The following PLCE1 variants were observed in gnomAD, a reference collection of about 807,000 sequenced individuals.
PLCE1 encodes the protein 1-phosphatidylinositol 4,5-bisphosphate phosphodiesterase epsilon-1.
In PLCE1, 119 loss-of-function variants were observed where a neutral mutation model predicts 242.8. The observed-to-expected ratio is 0.49, with a 90% CI of 0.42 to 0.57. The LOEUF (loss-of-function observed/expected upper bound fraction) is 0.57, where lower values mean the gene tolerates loss of function less well. Ranked by LOEUF, PLCE1 falls within the 20% of genes least tolerant of loss-of-function variation. The probability of loss-of-function intolerance (pLI) is 0.00; values close to 1 mark genes in which losing one functional copy is unlikely to be tolerated. For synonymous variants in PLCE1, 945 were observed against 1,017.4 expected, an observed-to-expected ratio of 0.93 and a Z score of 1.35; for missense variants, 2,441 against 2,788.8, an observed-to-expected ratio of 0.88 and a Z score of 2.81.
chr10:94,009,847 C>T (rs372840616), intron 1 of PLCE1, among the ~76,000 whole-genome samples: 5 of 152,234 alleles, frequency 3.3e-5, no homozygotes, highest in African/African-American at 7.2e-5. Context: ...TGGCTGCTCT[C>T]GCAGGTTGGA....
At chr10:94,305,324 A>G (rs1461423786) in intron 25 of PLCE1, among the ~76,000 whole-genome samples, 2 of 152,196 alleles carry the variant, frequency 1.3e-5, no homozygotes, top group Non-Finnish European at 2.9e-5. Context: ...ACTCCCAGCT[A>G]CTTGGGAGTC....
At chr10:94,220,125 C>T (rs1484080130) in intron 4 of PLCE1, among the ~76,000 whole-genome samples, 2 of 151,502 alleles carry the variant, frequency 1.3e-5, no homozygotes, top group Non-Finnish European at 2.9e-5. Context: ...AACCATGGCC[C>T]GTGCTTTAAG....
At chr10:94,068,486 T>C (rs2044261336) in intron 2 of PLCE1, among the ~76,000 whole-genome samples, 1 of 152,186 alleles carries the variant, frequency 6.6e-6, no homozygotes, top group Non-Finnish European at 1.5e-5. Context: ...AATCTAGAGA[T>C]GATTTATGCT....
intron 3 of PLCE1, among the ~76,000 whole-genome samples, chr10:94,166,768 C>T (rs986223048): frequency 3.9e-5 from 6 of 152,020 alleles, no homozygotes; most frequent in African/African-American, 9.7e-5. Context: ...TGTTTTTTAT[C>T]GTCTATAGCA....
At chr10:94,253,571 TCTCGAA>T (rs981646625) in intron 9 of PLCE1, among the ~76,000 whole-genome samples, 2 of 151,996 alleles carry the variant, frequency 1.3e-5, no homozygotes, top group Admixed American at 1.3e-4. Context: ...CCCAGGCTGG[TCTCGAA>T]CTCCAGGCCT....
rs2054118533 is a variant in PLCE1, at chr10:94,328,721, T to C, written c.*778T>C. 6.6e-6 allele frequency: 1 copy of C among 152,238 alleles called. No individual in the cohort carries two copies. Among genetic ancestry groups the C allele is most frequent in the Non-Finnish European group, 1.5e-5 (1 of 68,046 alleles). 9.4% of individuals were successfully genotyped at this position (152,238 alleles called of 1,614,324 possible). ...ATTAAAATTCAATTTAGTTCCTGTA[T>C]TGTGTACCACAGTGCACTCCTCTTT... On this transcript the variant is annotated 3_prime_UTR_variant, in exon 33 of 33. Transcript: ENST00000371380.
Position 94,132,287 on chromosome 10 carries a change from A to G in PLCE1, c.1320A>G (p.Pro440=), listed in dbSNP as rs780503100. ...CCCATGGAAGGATAAGCGTTGGTCC[A>G]TGCTTAAAGCAATGTGTCCGAGACA... ...ETAHGRISVG[P]CLKQCVRDTV... is the part of the protein sequence containing the mutation. Residue 440 remains proline, a synonymous_variant, in exon 3 of 33, where the codon CCA becomes CCG. Coordinates refer to ENST00000371380, the MANE Select transcript of PLCE1 (RefSeq NM_016341.4). 5 of 1,613,778 alleles carry G rather than the reference A, an allele frequency of 3.1e-6. No homozygotes were observed. In the Admixed American group the frequency reaches 5.0e-5, roughly 16 times the overall value.
chr10:94,088,979 A>G (rs1407108368), intron 2 of PLCE1: 12 of 1,171,016 alleles, frequency 1.0e-5, no homozygotes, highest in Admixed American at 5.0e-5. Flanking sequence ...CCCTCCCTCG[A>G]TTCTGGGTAT....
Position 94,235,895 on chromosome 10 carries a change from T to C in PLCE1, c.2215-20T>C. 1 of 1,606,038 alleles carries C rather than the reference T, an allele frequency of 6.2e-7. No homozygotes were observed. The highest frequency in any genetic ancestry group is 1.3e-5 in the African/African-American group (1 of 74,872). On this transcript the variant is annotated intron_variant, in intron 6 of 32. Coordinates refer to ENST00000371380, the MANE Select transcript of PLCE1 (RefSeq NM_016341.4). The stretch of plus-strand genomic sequence containing the variant: ...AGGCATATTAAGTTGCAATAGCAAA[T>C]TCTCGATTTTTTTTTGTAGTTTGTA...
At chr10:94,225,919 G>A (rs527572055) in intron 4 of PLCE1, among the ~76,000 whole-genome samples, 4 of 152,304 alleles carry the variant, frequency 2.6e-5, no homozygotes, top group Admixed American at 6.5e-5. Flanking sequence ...TCTGTGTTCC[G>A]GCCTCTCTAA....
At chr10:94,268,388 T>C (rs188434387) in intron 16 of PLCE1, among the ~76,000 whole-genome samples, 1 of 152,360 alleles carries the variant, frequency 6.6e-6, no homozygotes, top group African/African-American at 2.4e-5. Flanking sequence ...GGCAAATCCT[T>C]GATAACTCTG....
chr10:94,107,770 G>C (rs1341700829), intron 2 of PLCE1: 1 of 152,120 alleles, frequency 6.6e-6, no homozygotes, highest in African/African-American at 2.4e-5. Flanking sequence ...GTATCTGGGG[G>C]AGCAGAAGAG....
chr10:94,046,198 A>G (rs11187777), intron 2 of PLCE1, among the ~76,000 whole-genome samples: 6 of 152,150 alleles, frequency 3.9e-5, no homozygotes, highest in Non-Finnish European at 8.8e-5. Context: ...GTTTCTTTCC[A>G]TCCTTCACTT....
At chr10:94,103,632 C>G (rs2045620800) in intron 2 of PLCE1, among the ~76,000 whole-genome samples, 1 of 152,080 alleles carries the variant, frequency 6.6e-6, no homozygotes, top group African/African-American at 2.4e-5. Flanking sequence ...ACATGTACCC[C>G]AGAACTTAAA....
intron 24 of PLCE1, among the ~76,000 whole-genome samples, chr10:94,301,829 A>G (rs2053049640): frequency 6.6e-6 from 1 of 152,194 alleles, no homozygotes; most frequent in African/African-American, 2.4e-5. Context: ...CAGACTTACA[A>G]TGTGTAAACA....
In PLCE1 at chr10:94,328,423, A is replaced by AAAT. The variant is rs1313189788; in HGVS notation, c.*482_*484dup. The AAAT allele has an allele frequency of 2.6e-5, 4 of 153,184 alleles. No homozygotes were observed. Among genetic ancestry groups the AAAT allele is most frequent in the African/African-American group, 9.6e-5 (4 of 41,458 alleles). 9.5% of individuals were successfully genotyped at this position (153,184 alleles called of 1,614,324 possible). ...ATTTCATATATTTTTCACATGTCAC[A>AAAT]AATACTCTTGTTTTGACTTTTTTTC... On this transcript the variant is annotated 3_prime_UTR_variant, in exon 33 of 33. Coordinates refer to ENST00000371380, the MANE Select transcript of PLCE1 (RefSeq NM_016341.4).
At chr10:94,048,093 AG>A (rs2043647305) in intron 2 of PLCE1, among the ~76,000 whole-genome samples, 2 of 152,172 alleles carry the variant, frequency 1.3e-5, no homozygotes, top group African/African-American at 4.8e-5. Context: ...ATACTTTTGT[AG>A]GTTGCTGTAG....
intron 2 of PLCE1, among the ~76,000 whole-genome samples, chr10:94,113,193 T>A (rs2046008129): frequency 6.6e-6 from 1 of 151,704 alleles, no homozygotes; most frequent in Non-Finnish European, 1.5e-5. Context: ...GGTGTAACTA[T>A]ATTAAAAACT....
rs562716828 is a variant in PLCE1, at chr10:94,203,404, C to T, written c.1810-23902C>T. Among the ~76,000 whole-genome samples, 178 of 152,356 alleles carry T rather than the reference C, an allele frequency of 1.2e-3. 1 individual carries two copies. The highest frequency in any genetic ancestry group is 1.9e-3 in the South Asian group (9 of 4,832). On this transcript the variant is annotated intron_variant, in intron 4 of 32. Coordinates refer to ENST00000371380, the MANE Select transcript of PLCE1 (RefSeq NM_016341.4). ...AAGGTCCAAACAGGAACTTTTACTT[C>T]ATATTCATGTTTTAAGCAGAAATTA...
Sources: allele counts gnomAD v4.1 joint callset (sites outside exome capture counted in the v4.1 genomes callset), GRCh38; gene constraint gnomAD v4.1.1; transcripts MANE v1.5; gene names NCBI Gene and HGNC (gene_info 2026-07-23, HGNC 2026-07-21).